The following GRIN1 variants were observed in gnomAD, a reference collection of about 807,000 sequenced individuals.
The protein encoded by GRIN1 is glutamate receptor ionotropic, NMDA 1.
GRIN1 carries 38 observed loss-of-function variants against 103.0 expected under a neutral mutation model. That is an observed-to-expected ratio of 0.37 (90% confidence interval 0.28 to 0.48). GRIN1 has a LOEUF of 0.48. GRIN1 is among the 20% of genes least tolerant of loss of function. The probability of loss-of-function intolerance (pLI) is 0.98; values close to 1 mark genes in which losing one functional copy is unlikely to be tolerated. For synonymous variants in GRIN1, 544 were observed against 532.7 expected (o/e 1.02, Z -0.29); for missense variants, 577 against 1,288.9 (o/e 0.45, Z 8.46).
chr9:137,167,757 G>GT lies in GRIN1; in HGVS notation c.*231dup. 1 of 1,611,742 alleles carries GT rather than the reference G, an allele frequency of 6.2e-7. No individual in the cohort carries two copies. The highest frequency in any genetic ancestry group is 8.5e-7 in the Non-Finnish European group (1 of 1,179,340). On this transcript the variant is annotated 3_prime_UTR_variant, in exon 20 of 20. Coordinates refer to ENST00000371561, the MANE Select transcript of GRIN1 (RefSeq NM_007327.4). The stretch of plus-strand genomic sequence containing the variant: ...TGGGGCTAACGGGCGCCTTGTCTGT[G>GT]TATTTCTATTTTGCAGCAGTACCAT...
chr9:137,143,691 C>A (rs1171910768), intron 2 of GRIN1, among the ~76,000 whole-genome samples: 4 of 152,248 alleles, frequency 2.6e-5, no homozygotes, highest in African/African-American at 9.6e-5. Context: ...TCAAGCACAG[C>A]CTGCCTTGCC....
At chr9:137,164,886 G>A (rs551457490) in intron 18 of GRIN1, 178 of 428,974 alleles carry the variant, frequency 4.1e-4, no homozygotes, top group African/African-American at 2.8e-3. Context: ...CCTCCTCCTC[G>A]GGACGCCTGT....
At chr9:137,164,049 C>T in intron 18 of GRIN1, 145 bp downstream of exon 18, 1 of 997,704 alleles carries the variant, frequency 1.0e-6, no homozygotes, top group South Asian at 1.3e-5. Context: ...GTGGTGAGTG[C>T]TCCCAGGGCA....
At chr9:137,148,427 C>T (rs1307959788) in intron 3 of GRIN1, among the ~76,000 whole-genome samples, 1 of 152,186 alleles carries the variant, frequency 6.6e-6, no homozygotes, top group African/African-American at 2.4e-5. Context: ...TAGCCTGCAC[C>T]CTCGAGGCAG....
Position 137,139,615 on chromosome 9 carries a change from C to T in GRIN1, c.129C>T (p.Arg43=). 1.2e-6 allele frequency: 2 copies of T among 1,613,614 alleles called. No homozygotes were observed. Among genetic ancestry groups the T allele is most frequent in the African/African-American group, 1.3e-5 (1 of 74,944 alleles). ...LSTRKHEQMF[R]EAVNQANKRH... ...CGCGGAAGCACGAGCAGATGTTCCG[C>T]GAGGCCGTGAACCAGGCCAACAAGC... The change falls in exon 1 of 20, where the codon CGC becomes CGT. Residue 43 remains arginine (R), a synonymous_variant. Coordinates refer to ENST00000371561, the MANE Select transcript of GRIN1 (RefSeq NM_007327.4). This position sits in a 1 kb window ranked among gnomAD's most constrained non-coding sequence, Gnocchi z 7.7.
chr9:137,148,464 C>T (rs186676732), intron 3 of GRIN1, among the ~76,000 whole-genome samples: 19 of 152,294 alleles, frequency 1.2e-4, no homozygotes, highest in African/African-American at 4.6e-4. Context: ...AGCTGCTCTC[C>T]GGGAAGTGCA....
At chr9:137,151,552 C>G (rs1000786690) in intron 4 of GRIN1, among the ~76,000 whole-genome samples, 5 of 147,500 alleles carry the variant, frequency 3.4e-5, no homozygotes, top group Admixed American at 1.3e-4. Flanking sequence ...AAAGCCCCAC[C>G]CAGAAACGTG....
At chr9:137,162,116 C>CGGGGGGGGGGGGGGGGGGGGGGG in intron 11 of GRIN1, 28 bp downstream of exon 11, 1 of 419,720 alleles carries the variant, frequency 2.4e-6, no homozygotes, top group East Asian at 7.7e-5. Context: ...GGCGGGGTGG[C>CGGGGGGGGGGGGGGGGGGGGGGG]GGCGGGGGGA....
intron 19 of GRIN1, among the ~76,000 whole-genome samples, chr9:137,166,610 C>T (rs1440055436): frequency 6.6e-6 from 1 of 152,248 alleles, no homozygotes; most frequent in Non-Finnish European, 1.5e-5. Flanking sequence ...CCAGGGTGCC[C>T]CAAGAGGGAC....
In GRIN1 at chr9:137,155,476, G is replaced by C. The variant is rs1833161751; in HGVS notation, c.672-1193G>C. 2.0e-5 allele frequency among the ~76,000 whole-genome samples: 3 copies of C among 152,242 alleles called. No homozygotes were observed. The South Asian group carries it at 6.2e-4, about 31-fold the overall frequency. ...CATTTCTTTGTGGGCTTATTCTCGAGAAAACTGGGGGCAGATCCCTCCTCA... is the reference window on the plus strand; with the variant it reads ...CATTTCTTTGTGGGCTTATTCTCGACAAAACTGGGGGCAGATCCCTCCTCA... On this transcript the variant is annotated intron_variant, in intron 4 of 19. Coordinates refer to ENST00000371561, the MANE Select transcript of GRIN1 (RefSeq NM_007327.4).
At position 137,168,374 on chromosome 9, in the gene GRIN1, T is replaced by G; in HGVS notation, c.*847T>G. 1 of 179,894 alleles carries G rather than the reference T, an allele frequency of 5.6e-6. No homozygotes were observed. The highest frequency in any genetic ancestry group is 1.1e-5 in the Non-Finnish European group (1 of 87,464). The allele number at this position is 179,894 out of a possible 1,614,324, so 11.1% of individuals were successfully genotyped here. A position where few individuals can be genotyped will look rare whatever the true frequency, so the allele number is the denominator to read the frequency against. The stretch of plus-strand genomic sequence containing the variant: ...GCCCTCCCCCACGGCCGTCCCTGAC[T>G]TCCCAGCTGGCAGCGCCTCCCGCCG... On this transcript the variant is annotated 3_prime_UTR_variant, in exon 20 of 20. Transcript: ENST00000371561.
chr9:137,156,521 G>A lies in GRIN1; in HGVS notation c.672-148G>A, dbSNP rs117281178. On this transcript the variant is annotated intron_variant, in intron 4 of 19. Transcript: ENST00000371561. ...CTGGGAGGCTCCTGGGTTCTGGGCC[G>A]CAGCGCCTCTGCGAGGTCTGCAGGC... is the stretch of plus-strand genomic sequence containing the variant. The A allele has an allele frequency of 4.4e-3, 5,112 of 1,149,698 alleles. 114 individuals carry two copies. Among genetic ancestry groups the A allele is most frequent in the East Asian group, 0.04 (1,534 of 38,648 alleles). 71.2% of individuals were successfully genotyped at this position (1,149,698 alleles called of 1,614,324 possible). A position where few individuals can be genotyped will look rare whatever the true frequency, so the allele number is the denominator to read the frequency against.
At chr9:137,147,782 C>T (rs971141913) in intron 3 of GRIN1, among the ~76,000 whole-genome samples, 2 of 152,268 alleles carry the variant, frequency 1.3e-5, no homozygotes, top group Non-Finnish European at 2.9e-5. Flanking sequence ...ACCTCCCACT[C>T]AGGACTGACA....
At chr9:137,166,944 A>G (rs1314040058) in intron 19 of GRIN1, among the ~76,000 whole-genome samples, 1 of 152,184 alleles carries the variant, frequency 6.6e-6, no homozygotes, top group African/African-American at 2.4e-5. Flanking sequence ...CGTGCAGGTG[A>G]TGGGCCACTT....
At chr9:137,154,115 T>A (rs1266346782) in intron 4 of GRIN1, among the ~76,000 whole-genome samples, 3 of 148,086 alleles carry the variant, frequency 2.0e-5, no homozygotes, top group African/African-American at 7.5e-5. Flanking sequence ...CCTGCCTTTT[T>A]TTTTTTCTTT....
chr9:137,143,137 G>C (rs1832266628), intron 2 of GRIN1, among the ~76,000 whole-genome samples: 1 of 152,272 alleles, frequency 6.6e-6, no homozygotes, highest in African/African-American at 2.4e-5. Flanking sequence ...TGAGGAGCCA[G>C]AGGGCTGGGC....
chr9:137,148,302 C>G, intron 3 of GRIN1: 1 of 841,282 alleles, frequency 1.2e-6, no homozygotes, highest in Non-Finnish European at 1.9e-6. Flanking sequence ...CTGGCCCAGC[C>G]GCCGAGCCGC....
chr9:137,163,460 G>A, intron 16 of GRIN1, 99 bp from the exon 17 acceptor site: 3 of 1,406,038 alleles, frequency 2.1e-6, no homozygotes, highest in South Asian at 1.2e-5. Flanking sequence ...ACTCCACGCC[G>A]CACCCTACCC....
At chr9:137,148,498 G>A (rs1414964598) in intron 3 of GRIN1, among the ~76,000 whole-genome samples, 1 of 152,188 alleles carries the variant, frequency 6.6e-6, no homozygotes, top group Non-Finnish European at 1.5e-5. Flanking sequence ...GACCCCAAGG[G>A]TTTCCTCGTG....
Sources: gnomAD v4.1 joint callset for allele counts (sites outside exome capture counted in the v4.1 genomes callset) on GRCh38, gnomAD v4.1.1 for gene constraint, Gnocchi (gnomAD v3.1) non-coding constraint, MANE v1.5 for transcripts, NCBI Gene and HGNC (gene_info 2026-07-23, HGNC 2026-07-21) for gene names.